CPAMD8: variants seen among roughly 807,000 people sequenced by gnomAD.
CPAMD8 encodes the protein C3 and PZP-like alpha-2-macroglobulin domain-containing protein 8.
Under a neutral mutation model 224.7 loss-of-function variants are expected in CPAMD8, and 146 were observed. The observed-to-expected ratio is 0.65, with a 90% CI of 0.57 to 0.75. CPAMD8 has a LOEUF of 0.75. Among genes scored for constraint, CPAMD8 ranks in the 30% least tolerant of loss-of-function variants. The pLI is 0.00. For synonymous variants in CPAMD8, 966 were observed against 1,044.6 expected, an observed-to-expected ratio of 0.92 and a Z score of 1.45; for missense variants, 2,301 against 2,537.5, an observed-to-expected ratio of 0.91 and a Z score of 2.00.
intron 18 of CPAMD8, among the ~76,000 whole-genome samples, chr19:16,967,481 T>C (rs2054867884): frequency 6.6e-6 from 1 of 152,062 alleles, no homozygotes; most frequent in African/African-American, 2.4e-5. Flanking sequence ...ACTTAAAGTA[T>C]AATTTTTTAA....
intron 8 of CPAMD8, 35 bp downstream of exon 8, chr19:17,004,238 C>G (rs2056419802): frequency 7.0e-7 from 1 of 1,437,402 alleles, no homozygotes; most frequent in African/African-American, 1.4e-5. Flanking sequence ...TCTCCCAGAT[C>G]TGAAATCCCA....
intron 13 of CPAMD8, among the ~76,000 whole-genome samples, chr19:16,987,179 A>AAAAAT (rs1555784836): frequency 3.9e-4 from 21 of 53,908 alleles, no homozygotes; most frequent in African/African-American, 6.3e-4. Flanking sequence ...AAAAAAAAAA[A>AAAAAT]ATATATATAT....
chr19:16,925,548 G>C (rs575145217), intron 25 of CPAMD8, among the ~76,000 whole-genome samples, 176 bp from the exon 26 acceptor site: 4 of 152,290 alleles, frequency 2.6e-5, no homozygotes, highest in Non-Finnish European at 4.4e-5. Context: ...TTTGGTGACA[G>C]TTTTACACAC....
intron 7 of CPAMD8, 80 bp downstream of exon 7, chr19:17,008,425 G>A: frequency 6.5e-7 from 1 of 1,529,944 alleles, no homozygotes; most frequent in Non-Finnish European, 9.0e-7. Flanking sequence ...ATTAGCGGTG[G>A]GCCCTGGACA....
chr19:17,006,519 C>T (rs1009093959), intron 7 of CPAMD8, among the ~76,000 whole-genome samples: 1 of 150,294 alleles, frequency 6.7e-6, no homozygotes, highest in African/African-American at 2.5e-5. Context: ...TGAGAGAGAA[C>T]CTGCCTCTTG....
At chr19:17,011,877 G>C in intron 3 of CPAMD8, 120 bp from the exon 4 acceptor site, 1 of 1,139,322 alleles carries the variant, frequency 8.8e-7, no homozygotes, top group Non-Finnish European at 1.2e-6. Flanking sequence ...CTGTGCCCCA[G>C]GGGGACACTT....
chr19:16,942,949 A>C (rs1291826388), intron 22 of CPAMD8, among the ~76,000 whole-genome samples: 3 of 151,280 alleles, frequency 2.0e-5, no homozygotes. Context: ...TGGGCATTTC[A>C]TATAAATTGA....
intron 8 of CPAMD8, 104 bp from the exon 9 acceptor site, chr19:17,002,454 CCACCGAGGTTGA>C: frequency 1.4e-6 from 1 of 724,734 alleles, no homozygotes; most frequent in East Asian, 2.7e-5. Flanking sequence ...CACCTGGCCA[CCACCGAGGTTGA>C]CACTGTACCC....
At position 16,971,007 on chromosome 19, in the gene CPAMD8, G is replaced by T. The variant is rs61746640; in HGVS notation, c.2097C>A (p.Asp699Glu). The change falls in exon 18 of 42, where the codon GAC (aspartate) becomes GAA (glutamate). Residue 699 changes from aspartate (D) to glutamate (E), a missense_variant. Physicochemically the swap from Asp to Glu is conservative, Grantham distance 45. This residue lies in a region of CPAMD8 where 1,709 missense variants were observed against 1,753.2 expected (regional missense o/e 0.97). Coordinates refer to ENST00000443236, the MANE Select transcript of CPAMD8 (RefSeq NM_015692.5). ...FTETGLVVMTDRVSLNHRQDG... is the reference protein window; with the variant it reads ...FTETGLVVMTERVSLNHRQDG... Reference sequence around the variant, plus strand: ...CCTGCCGGTGGTTCAGGCTCACTCGGTCGGTCATCACCACCAGTCCCGTTT... The same window carrying T: ...CCTGCCGGTGGTTCAGGCTCACTCGTTCGGTCATCACCACCAGTCCCGTTT... 2,501 of 1,611,212 alleles carry T rather than the reference G, an allele frequency of 1.6e-3. 32 individuals are homozygous for T. The African/African-American group carries it at 0.028, about 18-fold the overall frequency.
chr19:16,910,106 C>A (rs2052669494), intron 29 of CPAMD8, among the ~76,000 whole-genome samples: 1 of 152,156 alleles, frequency 6.6e-6, no homozygotes, highest in Non-Finnish European at 1.5e-5. Context: ...CCTGCCTCAG[C>A]CTCCCAAAGT....
At chr19:17,013,439 A>G (rs2056718690) in intron 3 of CPAMD8, 1 of 151,920 alleles carries the variant, frequency 6.6e-6, no homozygotes, top group Admixed American at 6.6e-5. Flanking sequence ...TGAACCTGGG[A>G]GGCAGAGGTT....
At chr19:16,977,672 G>GT in intron 14 of CPAMD8, 132 bp from the exon 15 acceptor site, 1 of 626,322 alleles carries the variant, frequency 1.6e-6, no homozygotes, top group Non-Finnish European at 2.7e-6. Context: ...TGCATCTTTG[G>GT]TTTTGAGATG....
intron 36 of CPAMD8, among the ~76,000 whole-genome samples, chr19:16,900,907 G>C (rs1463187733): frequency 6.6e-6 from 1 of 151,974 alleles, no homozygotes; most frequent in African/African-American, 2.4e-5. Context: ...AGCTACTCGG[G>C]AGGCTGAGGT....
chr19:16,982,694 T>A (rs1365307016), intron 13 of CPAMD8, among the ~76,000 whole-genome samples: 3 of 151,846 alleles, frequency 2.0e-5, no homozygotes, highest in Non-Finnish European at 4.4e-5. Context: ...AAAAAATAGC[T>A]GGGTGTGGTG....
chr19:16,917,488 C>T (rs1481012511), intron 27 of CPAMD8, among the ~76,000 whole-genome samples: 1 of 152,102 alleles, frequency 6.6e-6, no homozygotes, highest in African/African-American at 2.4e-5. Context: ...TGGCTCATGC[C>T]AGCAGTGTTT....
At chr19:16,910,541 C>G (rs375227781) in intron 29 of CPAMD8, 1 of 151,158 alleles carries the variant, frequency 6.6e-6, no homozygotes, top group African/African-American at 2.4e-5. Context: ...GCTATTCATA[C>G]GCACGATCTC....
At chr19:16,986,280 C>T (rs116698047) in intron 13 of CPAMD8, among the ~76,000 whole-genome samples, 68 of 152,208 alleles carry the variant, frequency 4.5e-4, no homozygotes, top group Admixed American at 2.0e-3. Context: ...AGGTTGTGCC[C>T]GGGCCCCTCA....
At chr19:16,955,970 C>T (rs767120618) in intron 19 of CPAMD8, among the ~76,000 whole-genome samples, 5 of 152,192 alleles carry the variant, frequency 3.3e-5, no homozygotes, top group Non-Finnish European at 7.3e-5. Flanking sequence ...AGCCACCACA[C>T]CCCGCCTTTA....
At chr19:16,974,389 C>T (rs961785583) in intron 17 of CPAMD8, among the ~76,000 whole-genome samples, 1 of 151,772 alleles carries the variant, frequency 6.6e-6, no homozygotes, top group Non-Finnish European at 1.5e-5. Context: ...GCAGTTCAGA[C>T]CCCCTGCCAC....
Sources: gnomAD v4.1 joint callset for allele counts (sites outside exome capture counted in the v4.1 genomes callset) on GRCh38, gnomAD v4.1.1 for gene constraint, gnomAD v4.1.1 regional missense constraint, MANE v1.5 for transcripts, NCBI Gene and HGNC (gene_info 2026-07-23, HGNC 2026-07-21) for gene names.